Variants in WWTR1 observed in about 807,000 individuals in gnomAD.
WWTR1 encodes WW domain-containing transcription regulator protein 1.
A neutral mutation model predicts 40.1 loss-of-function variants in WWTR1; 13 were observed. That is an observed-to-expected ratio of 0.32 (90% CI 0.21 to 0.52). The LOEUF is 0.52. WWTR1 is among the 20% of genes least tolerant of loss of function. The pLI is 0.97. For missense variants in WWTR1, 436 were observed against 523.1 expected (o/e 0.83, Z 1.63); for synonymous variants, 230 against 210.1 (o/e 1.09, Z -0.82).
At chr3:149,635,544 A>T (rs146138560) in intron 2 of WWTR1, among the ~76,000 whole-genome samples, 162 of 152,164 alleles carry the variant, frequency 1.1e-3, no homozygotes, top group African/African-American at 3.7e-3. Flanking sequence ...AAGGAGAAAG[A>T]GAAGGAGAAG....
chr3:149,579,944 G>A (rs1214232364), intron 2 of WWTR1, among the ~76,000 whole-genome samples: 1 of 152,124 alleles, frequency 6.6e-6, no homozygotes. Context: ...TCCCAGATAG[G>A]GCCTGCCAAG....
At chr3:149,654,811 T>C (rs1195471024) in intron 2 of WWTR1, among the ~76,000 whole-genome samples, 9 of 152,216 alleles carry the variant, frequency 5.9e-5, no homozygotes, top group Non-Finnish European at 5.9e-5. Flanking sequence ...TATATATTCA[T>C]AAACACAGTT....
intron 1 of WWTR1, among the ~76,000 whole-genome samples, chr3:149,672,887 G>C (rs374341771): frequency 2.0e-5 from 3 of 151,004 alleles, no homozygotes; most frequent in African/African-American, 7.3e-5. Flanking sequence ...GGGCTCAAGC[G>C]ATCCTCCCGC....
At chr3:149,610,474 C>G (rs1254363245) in intron 2 of WWTR1, among the ~76,000 whole-genome samples, 1 of 152,142 alleles carries the variant, frequency 6.6e-6, no homozygotes, top group Non-Finnish European at 1.5e-5. Flanking sequence ...GGCCACTCTT[C>G]GTTTTAATAG....
chr3:149,713,613 T>C (rs1715527013), intron 5 of WWTR1, among the ~76,000 whole-genome samples: 1 of 152,184 alleles, frequency 6.6e-6, no homozygotes, highest in Admixed American at 6.5e-5. Context: ...ACTCCTGACC[T>C]CAGGTGCTCC....
chr3:149,587,891 C>T (rs548120964), intron 2 of WWTR1, among the ~76,000 whole-genome samples: 4 of 152,080 alleles, frequency 2.6e-5, no homozygotes, highest in Non-Finnish European at 5.9e-5. Flanking sequence ...AAACTTACGG[C>T]GGGTTATTCT....
At chr3:149,696,783 C>T (rs1046543717) in intron 1 of WWTR1, among the ~76,000 whole-genome samples, 5 of 152,276 alleles carry the variant, frequency 3.3e-5, no homozygotes, top group Non-Finnish European at 5.9e-5. Context: ...AGAATGTGAT[C>T]ACATCACTCC....
intron 2 of WWTR1, among the ~76,000 whole-genome samples, chr3:149,653,600 T>C (rs1193292870): frequency 1.3e-5 from 2 of 152,098 alleles, no homozygotes; most frequent in East Asian, 1.9e-4. Flanking sequence ...CTTCAGGAGG[T>C]TGCAGAAAGT....
intron 2 of WWTR1, among the ~76,000 whole-genome samples, chr3:149,642,498 G>A (rs769881328): frequency 6.6e-5 from 10 of 151,678 alleles, no homozygotes; most frequent in Non-Finnish European, 8.8e-5. Flanking sequence ...AAATCCGGCC[G>A]GGCACGGTGG....
chr3:149,608,562 A>G (rs1191839079), intron 2 of WWTR1, among the ~76,000 whole-genome samples: 1 of 151,786 alleles, frequency 6.6e-6, no homozygotes, highest in Non-Finnish European at 1.5e-5. Context: ...ATTTTTTTGT[A>G]TTTTTAGTAG....
chr3:149,548,794 G>A (rs533877792), intron 3 of WWTR1, among the ~76,000 whole-genome samples: 9 of 152,278 alleles, frequency 5.9e-5, no homozygotes, highest in African/African-American at 2.2e-4. Flanking sequence ...CTTCTCAGTG[G>A]AGGTATCTCT....
chr3:149,615,150 AAAC>A (rs1307782805), intron 2 of WWTR1, among the ~76,000 whole-genome samples: 22 of 152,378 alleles, frequency 1.4e-4, no homozygotes, highest in Middle Eastern at 3.4e-3. Context: ...TAAATGAAAT[AAAC>A]AATACTGAAC....
rs71138404 is a variant in WWTR1 at position 149,674,056 on chromosome 3, CA to C, written c.-107-4166del. ...GCAACATAGTAAGACCTCGTCTCTA[CA>C]AAAAAAAAAAAATTAGCTGGGCATG... On this transcript the variant is annotated intron_variant, in intron 1 of 7. Coordinates refer to the WWTR1 transcript ENST00000465804. Among the ~76,000 whole-genome samples the C allele has an allele frequency of 5.3e-4, 65 of 121,780 alleles. 1 individual carries two copies. The highest frequency in any genetic ancestry group is 4.6e-4 in the Non-Finnish European group (28 of 60,316). 79.9% of individuals were successfully genotyped at this position (121,780 alleles called of 152,430 possible). A position where few individuals can be genotyped will look rare whatever the true frequency, so the allele number is the denominator to read the frequency against.
intron 3 of WWTR1, among the ~76,000 whole-genome samples, chr3:149,555,195 G>A (rs1294881960): frequency 6.6e-6 from 1 of 152,210 alleles, no homozygotes. Context: ...AAAGTTGCCA[G>A]CGTGAGTTGC....
At chr3:149,544,270 G>A (rs970523483) in intron 3 of WWTR1, among the ~76,000 whole-genome samples, 12 of 152,158 alleles carry the variant, frequency 7.9e-5, no homozygotes, top group African/African-American at 2.9e-4. Flanking sequence ...CTTTTCTAGA[G>A]AAGAATAGAT....
At chr3:149,629,228 T>C (rs1350720946) in intron 2 of WWTR1, among the ~76,000 whole-genome samples, 1 of 152,242 alleles carries the variant, frequency 6.6e-6, no homozygotes, top group East Asian at 1.9e-4. Flanking sequence ...ATAAATACTG[T>C]TGTTTATTTA....
rs1734882424 is a variant in WWTR1, at chr3:149,518,227, A to G, written c.*2578T>C. ...TATTATATTCATTCATAAATGTTCT[A>G]ACTAATTTAACTAAAAAAATCTTCT... is the stretch of plus-strand genomic sequence containing the variant. On this transcript the variant is annotated 3_prime_UTR_variant, in exon 7 of 7. Coordinates refer to ENST00000360632, the MANE Select transcript of WWTR1 (RefSeq NM_015472.6). 1 of 152,074 alleles carries G rather than the reference A, an allele frequency of 6.6e-6. No individual in the cohort carries two copies. Among genetic ancestry groups the G allele is most frequent in the Non-Finnish European group, 1.5e-5 (1 of 67,998 alleles). The allele number at this position is 152,074 out of a possible 1,614,324, so 9.4% of individuals were successfully genotyped here. A position where few individuals can be genotyped will look rare whatever the true frequency, so the allele number is the denominator to read the frequency against.
chr3:149,717,493 TATCAGGA>T (rs1316980764), exon 5 of WWTR1: 2 of 152,148 alleles, frequency 1.3e-5, no homozygotes, highest in Non-Finnish European at 2.9e-5. Context: ...AGCCACTAAT[TATCAGGA>T]AGAGCAAAGC....
chr3:149,704,707 C>T (rs1437195314), upstream of WWTR1, among the ~76,000 whole-genome samples: 2 of 152,084 alleles, frequency 1.3e-5, no homozygotes, highest in African/African-American at 4.8e-5. Flanking sequence ...CCAGACTGAT[C>T]ATTCTAAAGA....
Sources: gnomAD v4.1 joint callset for allele counts (sites outside exome capture counted in the v4.1 genomes callset) on GRCh38, gnomAD v4.1.1 for gene constraint, MANE v1.5 for transcripts, NCBI Gene and HGNC (gene_info 2026-07-23, HGNC 2026-07-21) for gene names.